The following RNF139 variants were observed in gnomAD, a reference collection of about 807,000 sequenced individuals.
The protein encoded by RNF139 is E3 ubiquitin-protein ligase RNF139.
RNF139 carries 15 observed loss-of-function variants against 49.5 expected under a neutral mutation model. The ratio of observed to expected loss-of-function variants is 0.30; its 90% CI spans 0.20 to 0.47. The LOEUF (loss-of-function observed/expected upper bound fraction) is 0.47, where lower values mean the gene tolerates loss of function less well. Ranked by LOEUF, RNF139 falls within the 20% of genes least tolerant of loss-of-function variation. The pLI is 1.00. For synonymous variants in RNF139, 325 were observed against 300.9 expected (o/e 1.08, Z -0.83); for missense variants, 619 against 806.3 (o/e 0.77, Z 2.81).
chr8:124,476,555 A>C lies in RNF139; in HGVS notation c.181+1265A>C, dbSNP rs527558368. Among the ~76,000 whole-genome samples the C allele has an allele frequency of 7.8e-4, 119 of 152,364 alleles. 1 individual carries two copies. Among genetic ancestry groups the C allele is most frequent in the Middle Eastern group, 3.4e-3 (1 of 294 alleles). ...AATGCAGTAGTAATGATCATATGCT[A>C]GATCTTAAAACTAAAGATGTAAACG... On this transcript the variant is annotated intron_variant, in intron 1 of 1. Coordinates refer to ENST00000303545, the MANE Select transcript of RNF139 (RefSeq NM_007218.4).
At position 124,475,059 on chromosome 8, in the gene RNF139, T is replaced by G; in HGVS notation, c.-51T>G. ...CGCCCCCGGCCGCGGCCCCGGGCCC[T>G]GCCCCGCGCGGCCCTGCCCGGCCCA... is the stretch of plus-strand genomic sequence containing the variant. On this transcript the variant is annotated 5_prime_UTR_variant, in exon 1 of 2. Transcript: ENST00000303545. The G allele has an allele frequency of 7.5e-7, 1 of 1,326,990 alleles. No homozygotes were observed. The highest frequency in any genetic ancestry group is 9.6e-7 in the Non-Finnish European group (1 of 1,039,414). The allele number at this position is 1,326,990 out of a possible 1,614,324, so 82.2% of individuals were successfully genotyped here. A position where few individuals can be genotyped will look rare whatever the true frequency, so the allele number is the denominator to read the frequency against.
In RNF139 at chr8:124,486,784, A is replaced by G. The variant is rs771293980; in HGVS notation, c.1135A>G (p.Ser379Gly). 5 of 1,613,818 alleles carry G rather than the reference A, an allele frequency of 3.1e-6. No homozygotes were observed. The highest frequency in any genetic ancestry group is 2.2e-5 in the East Asian group (1 of 44,886). ...GACAGACCCTGTATTAATGTCTCTC[A>G]GTGCCTCTCATGTGTCATCTTTTCG... ...GMTDPVLMSL[S>G]ASHVSSFRRH... The change falls in exon 2 of 2, where the codon AGT becomes GGT. Residue 379 changes from serine (S) to glycine (G), a missense_variant. By Grantham distance (56) the Ser-to-Gly change is moderately conservative. Coordinates refer to ENST00000303545, the MANE Select transcript of RNF139 (RefSeq NM_007218.4).
chr8:124,476,240 T>C (rs560461006), intron 1 of RNF139, among the ~76,000 whole-genome samples: 2 of 152,192 alleles, frequency 1.3e-5, no homozygotes, highest in Non-Finnish European at 2.9e-5. Flanking sequence ...GGAGTGGCAA[T>C]AAAGGCCGAA....
Position 124,475,289 on chromosome 8 carries a change from T to A in RNF139, c.180T>A (p.Phe60Leu). 6.2e-7 allele frequency: 1 copy of A among 1,612,632 alleles called. No homozygotes were observed. The highest frequency in any genetic ancestry group is 1.1e-5 in the South Asian group (1 of 90,984). ...CIVLQIFLRL[F>L]GVFASSIVLI... Reference sequence around the variant, plus strand: ...TGCTCCAGATCTTCCTCCGGCTCTTTGGTAAGGGAACAGGGTACCGTACGT... The same window carrying A: ...TGCTCCAGATCTTCCTCCGGCTCTTAGGTAAGGGAACAGGGTACCGTACGT... The change falls in exon 1 of 2, where the codon TTT (phenylalanine) becomes TTA (leucine). Residue 60 changes from phenylalanine (F) to leucine (L), a missense_variant and splice_region_variant. Physicochemically the swap from Phe to Leu is conservative, Grantham distance 22 (BLOSUM62 0). This residue lies in a region of RNF139 where 530 missense variants were observed against 728.9 expected (regional missense o/e 0.73). Transcript: ENST00000303545.
chr8:124,488,605 G>C lies in RNF139; in HGVS notation c.*961G>C, dbSNP rs781298403. 1 of 1,531,730 alleles carries C rather than the reference G, an allele frequency of 6.5e-7. No homozygotes were observed. Among genetic ancestry groups the C allele is most frequent in the East Asian group, 2.3e-5 (1 of 44,134 alleles). 94.9% of individuals were successfully genotyped at this position (1,531,730 alleles called of 1,614,324 possible). A position where few individuals can be genotyped will look rare whatever the true frequency, so the allele number is the denominator to read the frequency against. Reference sequence around the variant, plus strand: ...AAGACATATACCAATTATATTCCAGGAAAAAATACTTTAATAGTATTGTTA... The same window carrying C: ...AAGACATATACCAATTATATTCCAGCAAAAAATACTTTAATAGTATTGTTA... On this transcript the variant is annotated 3_prime_UTR_variant, in exon 2 of 2. Transcript: ENST00000303545.
In RNF139 at chr8:124,475,229, C is replaced by A; in HGVS notation, c.120C>A (p.Ser40=). 1.9e-6 allele frequency: 3 copies of A among 1,613,952 alleles called. No homozygotes were observed. The highest frequency in any genetic ancestry group is 2.5e-6 in the Non-Finnish European group (3 of 1,179,914). The change falls in exon 1 of 2, where the codon TCC becomes TCA. Residue 40 remains serine, a synonymous_variant. Transcript: ENST00000303545. ...CLYIIDAIFN[S]YPDSSQSRFC... ...ACATCATCGACGCCATCTTCAACTC[C>A]TACCCGGATTCCAGCCAAAGCCGGT...
chr8:124,483,051 A>G (rs1187641712), intron 1 of RNF139, among the ~76,000 whole-genome samples: 8 of 39,388 alleles, frequency 2.0e-4, no homozygotes, highest in African/African-American at 1.2e-3. Context: ...TTAAAAATAT[A>G]TCTATTAAAA....
Position 124,486,129 on chromosome 8 carries a change from G to A in RNF139, c.480G>A (p.Leu160=). Residue 160 remains leucine (L), a synonymous_variant, in exon 2 of 2, where the codon TTG becomes TTA. Transcript: ENST00000303545. ...IYSQLIILDL[L]VPVIGLITEL... Reference sequence around the variant, plus strand: ...CACAATTAATTATTTTGGATCTCTTGGTTCCTGTAATAGGCTTAATCACAG... The same window carrying A: ...CACAATTAATTATTTTGGATCTCTTAGTTCCTGTAATAGGCTTAATCACAG... 6.2e-7 allele frequency: 1 copy of A among 1,614,072 alleles called. No individual in the cohort carries two copies. The highest frequency in any genetic ancestry group is 8.5e-7 in the Non-Finnish European group (1 of 1,179,940).
In RNF139 at chr8:124,486,388, A is replaced by G. The variant is rs1318990359; in HGVS notation, c.739A>G (p.Thr247Ala). 6.2e-7 allele frequency: 1 copy of G among 1,614,188 alleles called. No individual in the cohort carries two copies. Among genetic ancestry groups the G allele is most frequent in the East Asian group, 2.2e-5 (1 of 44,884 alleles). Residue 247 changes from threonine to alanine, a missense_variant, in exon 2 of 2, where the codon ACA (threonine) becomes GCA (alanine). Thr to Ala is a moderately conservative substitution (Grantham distance 58). Around this residue, in one of 2 missense-constraint regions of RNF139, gnomAD observed 530 missense variants for 728.9 expected, o/e 0.73. Transcript: ENST00000303545. ...ACGAGTCTTTTGGCTAACAAGAGTT[A>G]CAGCTCAGGCTACAGTGTTAATGTA... ...ILRVFWLTRVTAQATVLMYIL... is the reference protein window; with the variant it reads ...ILRVFWLTRVAAQATVLMYIL...
At chr8:124,479,375 A>G (rs1816368317) in intron 1 of RNF139, among the ~76,000 whole-genome samples, 1 of 152,222 alleles carries the variant, frequency 6.6e-6, no homozygotes, top group African/African-American at 2.4e-5. Context: ...AAATCTGTTC[A>G]TTGTATTAGG....
At chr8:124,481,588 C>T (rs1266949080) in intron 1 of RNF139, among the ~76,000 whole-genome samples, 1 of 151,954 alleles carries the variant, frequency 6.6e-6, no homozygotes, top group African/African-American at 2.4e-5. Flanking sequence ...ATTTGGATAC[C>T]TGCCTCTTTT....
Position 124,475,034 on chromosome 8 carries a change from C to A in RNF139, c.-76C>A, listed in dbSNP as rs545250294. ...GGGCGGAGTTGCCCGCCTTAGCCCC[C>A]GCCCCCGGCCGCGGCCCCGGGCCCT... On this transcript the variant is annotated 5_prime_UTR_variant, in exon 1 of 2. Transcript: ENST00000303545. 2.3e-4 allele frequency: 238 copies of A among 1,051,480 alleles called. No homozygotes were observed. The African/African-American group carries it at 3.6e-3, about 16-fold the overall frequency. 65.1% of individuals were successfully genotyped at this position (1,051,480 alleles called of 1,614,324 possible). A position where few individuals can be genotyped will look rare whatever the true frequency, so the allele number is the denominator to read the frequency against.
chr8:124,486,614 G>C lies in RNF139; in HGVS notation c.965G>C (p.Arg322Pro). Residue 322 changes from arginine (R) to proline (P), a missense_variant, in exon 2 of 2, where the codon CGT (arginine) becomes CCT (proline). Arg to Pro is a moderately radical substitution (Grantham distance 103). Around this residue, in one of 2 missense-constraint regions of RNF139, gnomAD observed 530 missense variants for 728.9 expected, o/e 0.73. Coordinates refer to ENST00000303545, the MANE Select transcript of RNF139 (RefSeq NM_007218.4). Reference sequence around the variant, plus strand: ...GGATCAACTGAGGAAGATGACAGGCGTCTTGGCTTTGTTGCACCTGTTTTA... The same window carrying C: ...GGATCAACTGAGGAAGATGACAGGCCTCTTGGCTTTGTTGCACCTGTTTTA... ...FIGSTEEDDRRLGFVAPVLFF... is the reference protein window; with the variant it reads ...FIGSTEEDDRPLGFVAPVLFF... 1 of 1,614,154 alleles carries C rather than the reference G, an allele frequency of 6.2e-7. No homozygotes were observed.
At chr8:124,485,581 T>A (rs1412329604) in intron 1 of RNF139, among the ~76,000 whole-genome samples, 1 of 152,220 alleles carries the variant, frequency 6.6e-6, no homozygotes, top group African/African-American at 2.4e-5. Flanking sequence ...ACAGTGTTAC[T>A]TGAAATACTT....
chr8:124,480,404 TAAAAAAA>T (rs34661621), intron 1 of RNF139, among the ~76,000 whole-genome samples: 1 of 89,054 alleles, frequency 1.1e-5, no homozygotes, highest in Non-Finnish European at 2.3e-5. Context: ...ACTCCATCAC[TAAAAAAA>T]AAAAAAAAAA....
chr8:124,482,484 TAGA>T (rs1411944348), intron 1 of RNF139, among the ~76,000 whole-genome samples: 1 of 152,064 alleles, frequency 6.6e-6, no homozygotes, highest in Non-Finnish European at 1.5e-5. Flanking sequence ...TGACCCAACT[TAGA>T]AGATTTGTTT....
Position 124,487,552 on chromosome 8 carries a change from A to G in RNF139, c.1903A>G (p.Thr635Ala), listed in dbSNP as rs187665896. Residue 635 changes from threonine (T) to alanine (A), a missense_variant, in exon 2 of 2, where the codon ACA (threonine) becomes GCA (alanine). Physicochemically the swap from Thr to Ala is moderately conservative, Grantham distance 58 (BLOSUM62 0). Around this residue, in one of 2 missense-constraint regions of RNF139, gnomAD observed 530 missense variants for 728.9 expected, o/e 0.73. Coordinates refer to ENST00000303545, the MANE Select transcript of RNF139 (RefSeq NM_007218.4). ...CAGGGAATTGAACGAAGATGACAGT[A>G]CAGATTGTGATGATGATGTTCAAAG... ...SDRELNEDDSTDCDDDVQRER... is the reference protein window; with the variant it reads ...SDRELNEDDSADCDDDVQRER... 2.5e-6 allele frequency: 4 copies of G among 1,614,044 alleles called. No individual in the cohort carries two copies. The South Asian group carries it at 4.4e-5, about 18-fold the overall frequency.
chr8:124,488,582 G>C lies in RNF139; in HGVS notation c.*938G>C. ...TTTACATACATGATGGAAAGTGGAA[G>C]ACATATACCAATTATATTCCAGGAA... On this transcript the variant is annotated 3_prime_UTR_variant, in exon 2 of 2. Coordinates refer to ENST00000303545, the MANE Select transcript of RNF139 (RefSeq NM_007218.4). 7.7e-7 allele frequency: 1 copy of C among 1,302,714 alleles called. No individual in the cohort carries two copies. Among genetic ancestry groups the C allele is most frequent in the South Asian group, 1.3e-5 (1 of 77,258 alleles). The allele number at this position is 1,302,714 out of a possible 1,614,324, so 80.7% of individuals were successfully genotyped here.
chr8:124,475,017 T>G lies in RNF139; in HGVS notation c.-93T>G. 1.3e-6 allele frequency: 1 copy of G among 781,054 alleles called. No homozygotes were observed. 48.4% of individuals were successfully genotyped at this position (781,054 alleles called of 1,614,324 possible). A position where few individuals can be genotyped will look rare whatever the true frequency, so the allele number is the denominator to read the frequency against. On this transcript the variant is annotated 5_prime_UTR_variant, in exon 1 of 2. Coordinates refer to ENST00000303545, the MANE Select transcript of RNF139 (RefSeq NM_007218.4). Reference sequence around the variant, plus strand: ...GAGAGGAAGGAGGGCAGGGGCGGAGTTGCCCGCCTTAGCCCCCGCCCCCGG... The same window carrying G: ...GAGAGGAAGGAGGGCAGGGGCGGAGGTGCCCGCCTTAGCCCCCGCCCCCGG...
Sources: gnomAD v4.1 joint callset for allele counts (sites outside exome capture counted in the v4.1 genomes callset) on GRCh38, gnomAD v4.1.1 for gene constraint, gnomAD v4.1.1 regional missense constraint, MANE v1.5 for transcripts, NCBI Gene and HGNC (gene_info 2026-07-23, HGNC 2026-07-21) for gene names.